DPP6: variants seen among roughly 807,000 people sequenced by gnomAD.
DPP6 encodes A-type potassium channel modulatory protein DPP6.
DPP6 carries 69 observed loss-of-function variants against 122.6 expected under a neutral mutation model. The ratio of observed to expected loss-of-function variants is 0.56; its 90% CI spans 0.46 to 0.69. The LOEUF (loss-of-function observed/expected upper bound fraction) is 0.69. Ranked by LOEUF, DPP6 falls within the 30% of genes least tolerant of loss-of-function variation. The pLI, the probability that DPP6 is intolerant of heterozygous loss-of-function variation, is 0.00. For missense variants in DPP6, 928 were observed against 1,116.9 expected, an observed-to-expected ratio of 0.83 and a Z score of 2.41; for synonymous variants, 418 against 433.1, an observed-to-expected ratio of 0.97 and a Z score of 0.43.
rs573958356 is a variant in DPP6 at position 154,409,942 on chromosome 7, G to T, written c.244-36272G>T. ...ATTTTGAAAGGCTTTTCTTTATTGTGTGCCAGGAAAGACAGAGGAGAAAAT... is the reference window on the plus strand; with the variant it reads ...ATTTTGAAAGGCTTTTCTTTATTGTTTGCCAGGAAAGACAGAGGAGAAAAT... On this transcript the variant is annotated intron_variant, in intron 1 of 25. Transcript: ENST00000377770. Among the ~76,000 whole-genome samples, 44 of 152,286 alleles carry T rather than the reference G, an allele frequency of 2.9e-4. 1 individual carries two copies. The highest frequency in any genetic ancestry group is 5.6e-4 in the Non-Finnish European group (38 of 68,042).
the DPP6 span, among the ~76,000 whole-genome samples, chr7:153,851,002 C>G: frequency 0.13 from 19,549 of 152,152 alleles, 1,635 homozygotes; most frequent in African/African-American, 0.24. Context: ...GGACAGATAT[C>G]ATTTTTTTCC....
rs1585676061 is a variant in DPP6, at chr7:154,225,732, CATTTA to C, written c.243+172670_243+172674del. Among the ~76,000 whole-genome samples the C allele has an allele frequency of 4.6e-5, 7 of 152,198 alleles. No individual in the cohort carries two copies. In the East Asian group the frequency reaches 1.4e-3, roughly 29 times the overall value. On this transcript the variant is annotated intron_variant, in intron 1 of 25. Coordinates refer to ENST00000377770, the MANE Select transcript of DPP6 (RefSeq NM_130797.4). ...TAGCCTGATATTTAAAGAACAGAGA[CATTTA>C]CTAACTTTTCTAAAGTTACTGGAGG...
At chr7:154,127,524 C>T (rs1425347680) in intron 1 of DPP6, among the ~76,000 whole-genome samples, 2 of 151,870 alleles carry the variant, frequency 1.3e-5, no homozygotes, top group Non-Finnish European at 2.9e-5. Flanking sequence ...TAGTCCAGCC[C>T]AGGACTGCTA....
intron 7 of DPP6, among the ~76,000 whole-genome samples, chr7:154,724,015 G>A (rs979303465): frequency 6.6e-6 from 1 of 152,194 alleles, no homozygotes; most frequent in African/African-American, 2.4e-5. Flanking sequence ...GGAGCTTCAG[G>A]AGACATGAGG....
At chr7:154,796,571 T>G (rs987529719) in intron 12 of DPP6, among the ~76,000 whole-genome samples, 1 of 152,226 alleles carries the variant, frequency 6.6e-6, no homozygotes, top group Non-Finnish European at 1.5e-5. Context: ...TGAAAAAGCT[T>G]TGGAAGCTTC....
intron 3 of DPP6, among the ~76,000 whole-genome samples, chr7:154,539,037 T>C (rs1828494985): frequency 6.6e-6 from 1 of 152,222 alleles, no homozygotes; most frequent in Non-Finnish European, 1.5e-5. Flanking sequence ...CCTCATAAAA[T>C]CTACACATAC....
chr7:153,938,103 G>C (rs112481966), intron 1 of DPP6, among the ~76,000 whole-genome samples: 1 of 152,172 alleles, frequency 6.6e-6, no homozygotes, highest in Non-Finnish European at 1.5e-5. Flanking sequence ...TGAAGAATAT[G>C]ATGAGCTCCC....
At chr7:153,870,589 G>C in the DPP6 span, among the ~76,000 whole-genome samples, 1 of 152,092 alleles carries the variant, frequency 6.6e-6, no homozygotes, top group African/African-American at 2.4e-5. Flanking sequence ...TTTGCCATTG[G>C]TTCAAACTTC....
chr7:153,940,304 T>C (rs1374190197), intron 1 of DPP6, among the ~76,000 whole-genome samples: 1 of 152,158 alleles, frequency 6.6e-6, no homozygotes, highest in Non-Finnish European at 1.5e-5. Context: ...TTCCCATATA[T>C]GAACCCTCCG....
At chr7:154,277,179 A>G (rs1374674999) in intron 1 of DPP6, among the ~76,000 whole-genome samples, 1 of 152,220 alleles carries the variant, frequency 6.6e-6, no homozygotes, top group Non-Finnish European at 1.5e-5. Flanking sequence ...CACTGTGTAC[A>G]TGACTGCAAA....
intron 1 of DPP6, among the ~76,000 whole-genome samples, chr7:154,312,363 C>G (rs1480551815): frequency 6.6e-6 from 1 of 152,222 alleles, no homozygotes; most frequent in Non-Finnish European, 1.5e-5. Flanking sequence ...ATGCAGCCCT[C>G]CACCAATGGC....
At chr7:153,840,714 G>A in the DPP6 span, among the ~76,000 whole-genome samples, 3 of 152,172 alleles carry the variant, frequency 2.0e-5, no homozygotes, top group East Asian at 5.8e-4. Context: ...GGGGATTACT[G>A]TAAGAACTTG....
intron 19 of DPP6, among the ~76,000 whole-genome samples, chr7:154,874,239 C>T (rs1804664064): frequency 6.6e-6 from 1 of 152,214 alleles, no homozygotes; most frequent in African/African-American, 2.4e-5. Flanking sequence ...AGCTTTCTTC[C>T]CCTGCACACT....
At chr7:154,147,674 G>A (rs566533977) in intron 1 of DPP6, among the ~76,000 whole-genome samples, 1,133 of 94,722 alleles carry the variant, frequency 0.012, 8 homozygotes, top group Middle Eastern at 0.093. Flanking sequence ...GTGTGTGTGT[G>A]TGTATATATG....
At chr7:154,644,469 GT>G (rs1836314169) in intron 6 of DPP6, among the ~76,000 whole-genome samples, 1 of 152,188 alleles carries the variant, frequency 6.6e-6, no homozygotes, top group Non-Finnish European at 1.5e-5. Flanking sequence ...TAGGTAGTGA[GT>G]TCAGGAGGGC....
intron 2 of DPP6, among the ~76,000 whole-genome samples, chr7:154,450,418 A>C (rs1247841857): frequency 6.6e-6 from 1 of 152,240 alleles, no homozygotes; most frequent in Non-Finnish European, 1.5e-5. Context: ...ACTTTATGAT[A>C]TGTGAATTTC....
rs1433498876 is a variant in DPP6, at chr7:154,605,875, C to T, written c.628-31946C>T. Among the ~76,000 whole-genome samples, 6 of 119,274 alleles carry T rather than the reference C, an allele frequency of 5.0e-5. 1 individual carries two copies. The highest frequency in any genetic ancestry group is 1.6e-4 in the African/African-American group (6 of 37,724). 78.2% of individuals were successfully genotyped at this position (119,274 alleles called of 152,430 possible). On this transcript the variant is annotated intron_variant, in intron 5 of 25. Coordinates refer to ENST00000377770, the MANE Select transcript of DPP6 (RefSeq NM_130797.4). Reference sequence around the variant, plus strand: ...TTAGCTGGATCTGTGAGTCTTGATACGGAGTGTTCATTACATTCAATGCTA... The same window carrying T: ...TTAGCTGGATCTGTGAGTCTTGATATGGAGTGTTCATTACATTCAATGCTA...
chr7:154,686,951 C>T (rs1839649306), intron 7 of DPP6, among the ~76,000 whole-genome samples: 1 of 152,158 alleles, frequency 6.6e-6, no homozygotes, highest in Non-Finnish European at 1.5e-5. Flanking sequence ...GTCCCTCCTC[C>T]ACCAGACCAA....
intron 1 of DPP6, among the ~76,000 whole-genome samples, chr7:154,243,534 G>T (rs75890829): frequency 0.052 from 7,948 of 152,190 alleles, 684 homozygotes; most frequent in African/African-American, 0.18. Flanking sequence ...AGTGGCTCGT[G>T]CCTGTAATCC....
Sources: gnomAD v4.1 joint callset for allele counts (sites outside exome capture counted in the v4.1 genomes callset) on GRCh38, gnomAD v4.1.1 for gene constraint, MANE v1.5 for transcripts, NCBI Gene and HGNC (gene_info 2026-07-23, HGNC 2026-07-21) for gene names.